Variants in TMEM266 observed in about 807,000 individuals in gnomAD.
TMEM266 encodes the protein transmembrane protein 266, also known as Hv1 related protein 1.
TMEM266 carries 33 observed loss-of-function variants against 50.5 expected under a neutral mutation model. The ratio of observed to expected loss-of-function variants is 0.65; its 90% CI spans 0.50 to 0.87. The LOEUF (loss-of-function observed/expected upper bound fraction) is 0.87. TMEM266 is among the 40% of genes least tolerant of loss of function. The pLI is 0.00. For missense variants in TMEM266, 655 were observed against 695.1 expected, an observed-to-expected ratio of 0.94 and a Z score of 0.65; for synonymous variants, 310 against 292.3, an observed-to-expected ratio of 1.06 and a Z score of -0.62.
At chr15:76,097,159 A>G (rs1312306971) in intron 1 of TMEM266, among the ~76,000 whole-genome samples, 2 of 151,952 alleles carry the variant, frequency 1.3e-5, no homozygotes, top group Non-Finnish European at 2.9e-5. Flanking sequence ...TGTCATTATG[A>G]TGCTAGCTGG....
At chr15:76,179,234 A>G (rs370648680) in intron 8 of TMEM266, among the ~76,000 whole-genome samples, 5 of 152,184 alleles carry the variant, frequency 3.3e-5, no homozygotes, top group African/African-American at 7.2e-5. Flanking sequence ...TGGGACATCT[A>G]TGGGCCTTGG....
chr15:76,128,060 A>C (rs938933516), intron 1 of TMEM266, among the ~76,000 whole-genome samples: 3 of 152,204 alleles, frequency 2.0e-5, no homozygotes, highest in Non-Finnish European at 4.4e-5. Flanking sequence ...AACACCTGGG[A>C]AACTTAAAGA....
At chr15:76,200,149 G>A (rs1314405922) in intron 9 of TMEM266, among the ~76,000 whole-genome samples, 2 of 152,196 alleles carry the variant, frequency 1.3e-5, no homozygotes, top group Non-Finnish European at 2.9e-5. Context: ...ACTGAGCACA[G>A]ATGAATGAGA....
At chr15:76,128,437 A>G (rs2037457094) in intron 1 of TMEM266, among the ~76,000 whole-genome samples, 1 of 152,196 alleles carries the variant, frequency 6.6e-6, no homozygotes, top group Non-Finnish European at 1.5e-5. Flanking sequence ...CAACAAGTGG[A>G]AGAGACTGGA....
chr15:76,085,368 G>A (rs577831015), intron 1 of TMEM266, among the ~76,000 whole-genome samples: 4 of 136,822 alleles, frequency 2.9e-5, no homozygotes, highest in East Asian at 4.4e-4. Flanking sequence ...AGCTATTCTC[G>A]TGCCTCAGCC....
At chr15:76,203,651 T>G in intron 10 of TMEM266, 90 bp from the exon 11 acceptor site, 1 of 1,257,372 alleles carries the variant, frequency 8.0e-7, no homozygotes, top group Non-Finnish European at 1.1e-6. Flanking sequence ...CCACACTCAT[T>G]GCCCACCGCC....
chr15:76,183,189 C>G (rs2038445968), intron 8 of TMEM266, among the ~76,000 whole-genome samples: 2 of 134,946 alleles, frequency 1.5e-5, no homozygotes, highest in African/African-American at 2.7e-5. Context: ...GATCTCGGCT[C>G]ACTGCAACCT....
rs2037798188 is a variant in TMEM266, at chr15:76,148,994, T to A, written c.228-7610T>A. 1.3e-5 allele frequency among the ~76,000 whole-genome samples: 2 copies of A among 151,980 alleles called. 1 individual carries two copies. Among genetic ancestry groups the A allele is most frequent in the Admixed American group, 1.3e-4 (2 of 15,242 alleles). On this transcript the variant is annotated intron_variant, in intron 3 of 10. Coordinates refer to ENST00000388942, the MANE Select transcript of TMEM266 (RefSeq NM_152335.3). Reference sequence around the variant, plus strand: ...TCACCTTTCACCTCCATCCTGAGAGTTCTGGTTTCGTGGTGTGTGTTTATG... The same window carrying A: ...TCACCTTTCACCTCCATCCTGAGAGATCTGGTTTCGTGGTGTGTGTTTATG...
At chr15:76,143,271 A>C (rs1447283635) in intron 3 of TMEM266, among the ~76,000 whole-genome samples, 1 of 151,978 alleles carries the variant, frequency 6.6e-6, no homozygotes, top group African/African-American at 2.4e-5. Context: ...TTTTTCTTTG[A>C]AGTCAAACTT....
rs549337292 is a variant in TMEM266 at position 76,171,766 on chromosome 15, A to G, written c.652+635A>G. 3.9e-5 allele frequency among the ~76,000 whole-genome samples: 6 copies of G among 152,236 alleles called. No individual in the cohort carries two copies. The South Asian group carries it at 8.3e-4, about 21-fold the overall frequency. ...TGGTCCACTCCTTTGTCATTGCTTT[A>G]TCATTGCCACCCCACTGGGCCACTC... On this transcript the variant is annotated intron_variant, in intron 7 of 10. Transcript: ENST00000388942.
At chr15:76,174,187 C>G (rs1260348170) in intron 7 of TMEM266, among the ~76,000 whole-genome samples, 1 of 152,160 alleles carries the variant, frequency 6.6e-6, no homozygotes, top group Non-Finnish European at 1.5e-5. Flanking sequence ...AAAAGGAAGG[C>G]CCACTGCCTT....
intron 1 of TMEM266, among the ~76,000 whole-genome samples, chr15:76,092,456 G>A (rs750969540): frequency 5.3e-5 from 8 of 151,984 alleles, no homozygotes; most frequent in Admixed American, 2.0e-4. Flanking sequence ...TTGGGAGGCC[G>A]AGGCGGGCGG....
chr15:76,194,905 A>AG (rs1453853717), intron 9 of TMEM266, among the ~76,000 whole-genome samples: 1 of 152,162 alleles, frequency 6.6e-6, no homozygotes, highest in Non-Finnish European at 1.5e-5. Context: ...GTGAATGAAG[A>AG]GGGGGTACCC....
chr15:76,105,826 G>A (rs2037071403), intron 1 of TMEM266, among the ~76,000 whole-genome samples: 1 of 152,200 alleles, frequency 6.6e-6, no homozygotes, highest in African/African-American at 2.4e-5. Flanking sequence ...TAGGTGGTTA[G>A]GCCTGCCAAG....
chr15:76,178,969 C>A (rs534630975), intron 8 of TMEM266, among the ~76,000 whole-genome samples: 6 of 152,308 alleles, frequency 3.9e-5, no homozygotes, highest in Admixed American at 1.3e-4. Flanking sequence ...GGTGCCCACT[C>A]CACAGAGCGA....
At chr15:76,165,318 G>A (rs2038078344) in intron 5 of TMEM266, among the ~76,000 whole-genome samples, 1 of 152,190 alleles carries the variant, frequency 6.6e-6, no homozygotes, top group Non-Finnish European at 1.5e-5. Context: ...AGGGGTCCAG[G>A]GACCAGAAGG....
At chr15:76,120,819 G>A (rs964825837) in intron 1 of TMEM266, among the ~76,000 whole-genome samples, 1 of 150,486 alleles carries the variant, frequency 6.6e-6, no homozygotes, top group Non-Finnish European at 1.5e-5. Flanking sequence ...ATTGGTATGT[G>A]TTTTTGCATG....
rs753768394 is a variant in TMEM266 at position 76,203,961 on chromosome 15, C to T, written c.1242C>T (p.Ala414=). The T allele has an allele frequency of 6.2e-7, 1 of 1,612,044 alleles. No homozygotes were observed. Among genetic ancestry groups the T allele is most frequent in the Non-Finnish European group, 8.5e-7 (1 of 1,178,628 alleles). Residue 414 remains alanine (A), a synonymous_variant, in exon 11 of 11, where the codon GCC becomes GCT. Coordinates refer to ENST00000388942, the MANE Select transcript of TMEM266 (RefSeq NM_152335.3). ...GCTCCTCCATGGACTGCAGCACTGC[C>T]CGCGAGGAGCCGTCCTCTGAGCCCG...
intron 1 of TMEM266, among the ~76,000 whole-genome samples, chr15:76,061,375 A>T (rs1316305629): frequency 2.0e-5 from 3 of 152,212 alleles, no homozygotes; most frequent in East Asian, 1.9e-4. Flanking sequence ...ACAAGCCAGG[A>T]CTTAGAAAGG....
Sources: allele counts gnomAD v4.1 joint callset (sites outside exome capture counted in the v4.1 genomes callset), GRCh38; gene constraint gnomAD v4.1.1; transcripts MANE v1.5; gene names NCBI Gene and HGNC (gene_info 2026-07-23, HGNC 2026-07-21).